The following DST variants were observed in gnomAD, a reference collection of about 807,000 sequenced individuals.
DST encodes the protein dystonin.
A neutral mutation model predicts 875.2 loss-of-function variants in DST; 253 were observed. The observed-to-expected ratio is 0.29, with a 90% CI of 0.26 to 0.32. The LOEUF (loss-of-function observed/expected upper bound fraction) is 0.32. DST is among the 10% of genes least tolerant of loss of function. The pLI is 1.00. For synonymous variants in DST, 3,124 were observed against 3,197.1 expected (o/e 0.98, Z 0.77); for missense variants, 8,287 against 9,111.6 (o/e 0.91, Z 3.68).
intron 3 of DST, among the ~76,000 whole-genome samples, chr6:56,868,221 G>A (rs542376300): frequency 1.2e-4 from 19 of 152,266 alleles, no homozygotes; most frequent in East Asian, 7.7e-4. Context: ...ACAATGCAGC[G>A]TTGAAGAGAG....
Position 56,573,671 on chromosome 6 carries a change from T to G in DST, c.13236+8A>C, listed in dbSNP as rs1393845775. 1 of 1,597,792 alleles carries G rather than the reference T, an allele frequency of 6.3e-7. No homozygotes were observed. The highest frequency in any genetic ancestry group is 1.7e-5 in the Admixed American group (1 of 58,736). ...CTGAAAATGGGACTTTTTTTTAAAGTCACTTACAATGTTTTTACTGATAAT... is the reference window on the plus strand; with the variant it reads ...CTGAAAATGGGACTTTTTTTTAAAGGCACTTACAATGTTTTTACTGATAAT... On this transcript the variant is annotated splice_region_variant and intron_variant, in intron 51 of 103. Coordinates refer to ENST00000680361, the MANE Select transcript of DST (RefSeq NM_001374736.1).
chr6:56,556,610 T>C (rs2097423311), intron 59 of DST, among the ~76,000 whole-genome samples: 1 of 152,222 alleles, frequency 6.6e-6, no homozygotes, highest in Non-Finnish European at 1.5e-5. Context: ...AAAAACTTAT[T>C]TGAATTTTCA....
intron 50 of DST, among the ~76,000 whole-genome samples, chr6:56,575,232 G>A (rs985502857): frequency 7.2e-5 from 11 of 152,128 alleles, no homozygotes; most frequent in African/African-American, 2.7e-4. Flanking sequence ...GGGAAGGTAA[G>A]GGCTGAAAAA....
chr6:56,576,433 T>C (rs1266045904), intron 50 of DST, among the ~76,000 whole-genome samples: 2 of 152,152 alleles, frequency 1.3e-5, no homozygotes, highest in Non-Finnish European at 2.9e-5. Flanking sequence ...GATTGGTATC[T>C]GAAGTGGGGG....
At chr6:56,718,002 T>A (rs186303169) in intron 5 of DST, among the ~76,000 whole-genome samples, 1 of 152,282 alleles carries the variant, frequency 6.6e-6, no homozygotes, top group East Asian at 1.9e-4. Flanking sequence ...TTGGTTACAC[T>A]CAGGAGGCTT....
rs1212397533 is a variant in DST at position 56,458,651 on chromosome 6, T to C, written c.*354A>G. 6.1e-6 allele frequency: 1 copy of C among 165,158 alleles called. No homozygotes were observed. The highest frequency in any genetic ancestry group is 1.3e-5 in the Non-Finnish European group (1 of 76,852). 10.2% of individuals were successfully genotyped at this position (165,158 alleles called of 1,614,324 possible). A position where few individuals can be genotyped will look rare whatever the true frequency, so the allele number is the denominator to read the frequency against. Reference sequence around the variant, plus strand: ...GAGTTTCCATAAAAACAGGAAAATGTCATGAGGTATCCCTAACGTCAGGGA... The same window carrying C: ...GAGTTTCCATAAAAACAGGAAAATGCCATGAGGTATCCCTAACGTCAGGGA... On this transcript the variant is annotated 3_prime_UTR_variant, in exon 104 of 104. Coordinates refer to ENST00000680361, the MANE Select transcript of DST (RefSeq NM_001374736.1).
intron 9 of DST, among the ~76,000 whole-genome samples, chr6:56,689,534 T>A (rs1053673089): frequency 6.6e-6 from 1 of 152,182 alleles, no homozygotes; most frequent in African/African-American, 2.4e-5. Flanking sequence ...CTGATTAAAT[T>A]AAATCTCAAG....
intron 4 of DST, chr6:56,843,660 C>CCGCCG (rs2099803405): frequency 1.0e-6 from 1 of 983,716 alleles, no homozygotes; most frequent in Non-Finnish European, 1.2e-6. Flanking sequence ...CATTTCCTGG[C>CCGCCG]CGCCGCGCCG....
At chr6:56,467,245 T>G (rs1284257833) in intron 98 of DST, 1 of 152,152 alleles carries the variant, frequency 6.6e-6, no homozygotes, top group Admixed American at 6.5e-5. Context: ...TTTGGGCTCA[T>G]GATGGATAAA....
At chr6:56,770,498 G>A (rs997642370) in intron 4 of DST, among the ~76,000 whole-genome samples, 30 of 152,300 alleles carry the variant, frequency 2.0e-4, no homozygotes, top group Non-Finnish European at 3.7e-4. Flanking sequence ...CGCAGAGTGT[G>A]GGATGCCCTA....
rs1024284099 is a variant in DST, at chr6:56,751,118, G to T, written c.626-15829C>A. On this transcript the variant is annotated intron_variant, in intron 4 of 103. Transcript: ENST00000680361. ...AAACTTCAGATGAAGATCAAAACAA[G>T]AAAATATTTATTTTAACATTAAATG... Among the ~76,000 whole-genome samples the T allele has an allele frequency of 5.3e-5, 8 of 152,012 alleles. No individual in the cohort carries two copies. In the South Asian group the frequency reaches 6.2e-4, roughly 12 times the overall value.
intron 3 of DST, among the ~76,000 whole-genome samples, chr6:56,875,275 T>C (rs1779179490): frequency 6.6e-6 from 1 of 152,162 alleles, no homozygotes; most frequent in Non-Finnish European, 1.5e-5. Flanking sequence ...TGAGCCACCA[T>C]GCCCCGCCTG....
At chr6:56,716,696 TC>T (rs2099395839) in intron 5 of DST, among the ~76,000 whole-genome samples, 1 of 152,182 alleles carries the variant, frequency 6.6e-6, no homozygotes, top group African/African-American at 2.4e-5. Context: ...AACTGGGCAG[TC>T]CAGCCTTCAA....
chr6:56,644,263 A>G (rs935363361), intron 15 of DST, among the ~76,000 whole-genome samples: 9 of 152,310 alleles, frequency 5.9e-5, no homozygotes, highest in Non-Finnish European at 1.0e-4. Flanking sequence ...TGCATCCTGT[A>G]TATTTATGGC....
rs766889499 is a variant in DST at position 56,552,737 on chromosome 6, A to T, written c.16055T>A (p.Val5352Asp). The change falls in exon 61 of 104, where the codon GTT (valine) becomes GAT (aspartate). Residue 5352 changes from valine to aspartate, a missense_variant. By Grantham distance (152) the Val-to-Asp change is radical. Transcript: ENST00000680361. ...EASDSKGTSD[V>D]LLQVETIAQE... ...AGCTATGGTTTCCACTTGTAATAAA[A>T]CATCAGAGGTTCCCTTTGAGTCTGA... 3 of 1,611,628 alleles carry T rather than the reference A, an allele frequency of 1.9e-6. No individual in the cohort carries two copies. Among genetic ancestry groups the T allele is most frequent in the Non-Finnish European group, 2.5e-6 (3 of 1,179,878 alleles).
chr6:56,507,969 A>G (rs941003523), intron 75 of DST, among the ~76,000 whole-genome samples: 1 of 152,150 alleles, frequency 6.6e-6, no homozygotes, highest in African/African-American at 2.4e-5. Flanking sequence ...AGAGAGAGAT[A>G]ATAAGGCCCT....
intron 3 of DST, among the ~76,000 whole-genome samples, chr6:56,891,768 G>A (rs1467336143): frequency 6.6e-6 from 1 of 151,680 alleles, no homozygotes; most frequent in Non-Finnish European, 1.5e-5. Context: ...AGCTTGCAGT[G>A]AGCTGAGATC....
At chr6:56,709,750 T>C (rs1446161691) in intron 5 of DST, among the ~76,000 whole-genome samples, 1 of 152,162 alleles carries the variant, frequency 6.6e-6, no homozygotes, top group Non-Finnish European at 1.5e-5. Context: ...GAAAGAAATT[T>C]AGGCAAGAAA....
At chr6:56,765,800 T>C (rs2152970223) in intron 4 of DST, among the ~76,000 whole-genome samples, 1 of 152,342 alleles carries the variant, frequency 6.6e-6, no homozygotes, top group East Asian at 1.9e-4. Context: ...CTATCAGGAA[T>C]GGAGCTATGA....
Sources: gnomAD v4.1 joint callset for allele counts (sites outside exome capture counted in the v4.1 genomes callset) on GRCh38, gnomAD v4.1.1 for gene constraint, MANE v1.5 for transcripts, NCBI Gene and HGNC (gene_info 2026-07-23, HGNC 2026-07-21) for gene names.